The following EPHA6 variants were observed in gnomAD, a reference collection of about 807,000 sequenced individuals.
EPHA6 encodes the protein ephrin type-A receptor 6.
In EPHA6, 50 loss-of-function variants were observed where a neutral mutation model predicts 112.0. The ratio of observed to expected loss-of-function variants is 0.45; its 90% confidence interval spans 0.36 to 0.56. The LOEUF is 0.56. Ranked by LOEUF, EPHA6 falls within the 20% of genes least tolerant of loss-of-function variation. EPHA6 has a pLI of 0.00. For missense variants in EPHA6, 1,280 were observed against 1,417.4 expected (o/e 0.90, Z 1.56); for synonymous variants, 529 against 490.7 (o/e 1.08, Z -1.03).
At chr3:97,714,761 C>T (rs1223153658) in intron 14 of EPHA6, among the ~76,000 whole-genome samples, 1 of 152,108 alleles carries the variant, frequency 6.6e-6, no homozygotes, top group Non-Finnish European at 1.5e-5. Context: ...AGGCAGAAGG[C>T]CCCAGAATGC....
chr3:97,038,316 C>A lies in EPHA6; in HGVS notation c.1114+50323C>A, dbSNP rs112296207. 5.5e-3 allele frequency among the ~76,000 whole-genome samples: 843 copies of A among 151,946 alleles called. 6 individuals carry two copies. Among genetic ancestry groups the A allele is most frequent in the African/African-American group, 0.018 (759 of 41,404 alleles). On this transcript the variant is annotated intron_variant, in intron 3 of 17. Transcript: ENST00000389672. ...AATCCCTCTTCATCCTTTCCCCCCCCATGCTTCCTGGACTGTGGTAACCAC... is the reference window on the plus strand; with the variant it reads ...AATCCCTCTTCATCCTTTCCCCCCCAATGCTTCCTGGACTGTGGTAACCAC...
At chr3:97,342,345 A>G (rs1380526702) in intron 5 of EPHA6, among the ~76,000 whole-genome samples, 2 of 152,230 alleles carry the variant, frequency 1.3e-5, no homozygotes, top group Admixed American at 6.5e-5. Context: ...TCACTATCAT[A>G]GTAAAGAAAC....
chr3:97,750,981 G>A lies in EPHA6; in HGVS notation c.*2280G>A, dbSNP rs2035887503. Among the ~76,000 whole-genome samples, 2 of 151,512 alleles carry A rather than the reference G, an allele frequency of 1.3e-5. No homozygotes were observed. The highest frequency in any genetic ancestry group is 2.9e-5 in the Non-Finnish European group (2 of 67,908). On this transcript the variant is annotated 3_prime_UTR_variant, in exon 18 of 18. Coordinates refer to ENST00000389672, the MANE Select transcript of EPHA6 (RefSeq NM_001080448.3). ...TTGCTTGATACATTTACACAAATCTGGATACACTTAGAAGAAATATAAAAT... is the reference window on the plus strand; with the variant it reads ...TTGCTTGATACATTTACACAAATCTAGATACACTTAGAAGAAATATAAAAT...
intron 14 of EPHA6, among the ~76,000 whole-genome samples, chr3:97,671,881 G>A (rs2030875234): frequency 6.6e-6 from 1 of 151,818 alleles, no homozygotes; most frequent in Admixed American, 6.6e-5. Flanking sequence ...TCATTTTCTA[G>A]CCAAAAGGTT....
intron 3 of EPHA6, among the ~76,000 whole-genome samples, chr3:97,216,952 T>A (rs1156673996): frequency 6.6e-6 from 1 of 152,156 alleles, no homozygotes; most frequent in Non-Finnish European, 1.5e-5. Flanking sequence ...TGGAGTAACT[T>A]CTACTATCTG....
rs754972423 is a variant in EPHA6, at chr3:96,815,027, G to A, written c.385+19G>A. ...AACCAAGGTAAGGGACGGGGCGGAG[G>A]AGCGGGAGTGGGTGGGAGGAGGAGG... On this transcript the variant is annotated intron_variant, in intron 1 of 17. Transcript: ENST00000389672. The A allele has an allele frequency of 1.3e-5, 20 of 1,489,506 alleles. No individual in the cohort carries two copies. In the South Asian group the frequency reaches 2.3e-4, roughly 17 times the overall value. The allele number at this position is 1,489,506 out of a possible 1,614,324, so 92.3% of individuals were successfully genotyped here.
rs869258362 is a variant in EPHA6 at position 97,333,468 on chromosome 3, C to CTTTTTTTTTT, written c.1607-71668_1607-71659dup. ...TTCCTTTACACTCTGTATGGCTTTT[C>CTTTTTTTTTT]TTTTTTTTTTTTTTTTTTTTTTTGA... On this transcript the variant is annotated intron_variant, in intron 5 of 17. Coordinates refer to ENST00000389672, the MANE Select transcript of EPHA6 (RefSeq NM_001080448.3). Among the ~76,000 whole-genome samples the CTTTTTTTTTT allele has an allele frequency of 2.1e-4, 16 of 75,880 alleles. 2 individuals carry two copies. Among genetic ancestry groups the CTTTTTTTTTT allele is most frequent in the African/African-American group, 8.5e-4 (15 of 17,554 alleles). 49.8% of individuals were successfully genotyped at this position (75,880 alleles called of 152,430 possible).
chr3:97,341,451 T>G (rs1472005115), intron 5 of EPHA6, among the ~76,000 whole-genome samples: 1 of 151,884 alleles, frequency 6.6e-6, no homozygotes, highest in Non-Finnish European at 1.5e-5. Context: ...GCCTCCCAGG[T>G]TCCAGCAATT....
At chr3:96,912,559 G>A (rs190707146) in intron 2 of EPHA6, among the ~76,000 whole-genome samples, 1 of 152,246 alleles carries the variant, frequency 6.6e-6, no homozygotes, top group East Asian at 1.9e-4. Flanking sequence ...GTAGGATTTA[G>A]TCAGGCAAAA....
chr3:97,346,498 T>G (rs1390548036), intron 5 of EPHA6, among the ~76,000 whole-genome samples: 1 of 152,120 alleles, frequency 6.6e-6, no homozygotes, highest in African/African-American at 2.4e-5. Flanking sequence ...CAATGGCCCA[T>G]TACTCTGCCA....
At position 97,499,514 on chromosome 3, in the gene EPHA6, A is replaced by C. The variant is rs1477653400; in HGVS notation, c.2200+15455A>C. Among the ~76,000 whole-genome samples, 2 of 152,146 alleles carry C rather than the reference A, an allele frequency of 1.3e-5. 1 individual carries two copies. The highest frequency in any genetic ancestry group is 2.9e-5 in the Non-Finnish European group (2 of 68,016). On this transcript the variant is annotated intron_variant, in intron 10 of 17. Transcript: ENST00000389672. ...GCTCTGAGAAATGCATTATTAGATT[A>C]TTTCATTGTGGTACAAACATCATAG...
At chr3:97,488,106 G>C (rs1044278240) in intron 10 of EPHA6, among the ~76,000 whole-genome samples, 2 of 152,156 alleles carry the variant, frequency 1.3e-5, no homozygotes, top group Non-Finnish European at 2.9e-5. Context: ...AATGATTCTT[G>C]TGTCGCTAAG....
intron 11 of EPHA6, among the ~76,000 whole-genome samples, chr3:97,539,877 C>T (rs2092824575): frequency 6.6e-6 from 1 of 152,088 alleles, no homozygotes; most frequent in African/African-American, 2.4e-5. Context: ...AAGTAGCTCC[C>T]ATGAAGAATG....
intron 3 of EPHA6, among the ~76,000 whole-genome samples, chr3:97,062,429 A>G (rs2046051038): frequency 6.6e-6 from 1 of 152,298 alleles, no homozygotes; most frequent in Non-Finnish European, 1.5e-5. Flanking sequence ...TGCAATCTGA[A>G]TATCTGACCA....
chr3:97,148,724 T>C (rs2108369681), intron 3 of EPHA6, among the ~76,000 whole-genome samples: 1 of 152,226 alleles, frequency 6.6e-6, no homozygotes, highest in East Asian at 1.9e-4. Flanking sequence ...TTAAACTCAC[T>C]TTTGTCTGTC....
chr3:97,677,721 T>TAAA (rs34686159), intron 14 of EPHA6, among the ~76,000 whole-genome samples: 11 of 92,792 alleles, frequency 1.2e-4, no homozygotes, highest in East Asian at 3.1e-4. Context: ...AACTCCATCT[T>TAAA]AAAAAAAAAA....
At chr3:97,459,547 C>T (rs945605085) in intron 7 of EPHA6, among the ~76,000 whole-genome samples, 2 of 152,138 alleles carry the variant, frequency 1.3e-5, no homozygotes, top group African/African-American at 4.8e-5. Context: ...TACTGAGGCT[C>T]AAATTTCCTA....
chr3:97,199,266 G>A lies in EPHA6; in HGVS notation c.1115-26998G>A, dbSNP rs79504676. On this transcript the variant is annotated intron_variant, in intron 3 of 17. Coordinates refer to ENST00000389672, the MANE Select transcript of EPHA6 (RefSeq NM_001080448.3). ...TTTGTAAAATAGGGTATTGGGGAAG[G>A]AAATGAGGTTAGGCAATTTCCTGGG... is the stretch of plus-strand genomic sequence containing the variant. Among the ~76,000 whole-genome samples the A allele has an allele frequency of 5.5e-3, 835 of 152,226 alleles. 4 individuals are homozygous for A. The highest frequency in any genetic ancestry group is 0.018 in the African/African-American group (761 of 41,554).
At chr3:97,168,853 A>G (rs150755882) in intron 3 of EPHA6, among the ~76,000 whole-genome samples, 1 of 152,112 alleles carries the variant, frequency 6.6e-6, no homozygotes, top group South Asian at 2.1e-4. Flanking sequence ...TGCTATAAAG[A>G]TACCTGAAAA....
Sources: allele counts gnomAD v4.1 joint callset (sites outside exome capture counted in the v4.1 genomes callset), GRCh38; gene constraint gnomAD v4.1.1; transcripts MANE v1.5; gene names NCBI Gene and HGNC (gene_info 2026-07-23, HGNC 2026-07-21).